EXO1: variants seen among roughly 807,000 people sequenced by gnomAD.
EXO1 encodes exonuclease 1.
EXO1 carries 69 observed loss-of-function variants against 84.5 expected under a neutral mutation model. That is an observed-to-expected ratio of 0.82 (90% CI 0.67 to 1.00). EXO1 has a LOEUF of 1.00. Among genes scored for constraint, EXO1 ranks in the 50% least tolerant of loss-of-function variants. EXO1 has a pLI of 0.00. For synonymous variants in EXO1, 373 were observed against 366.1 expected (o/e 1.02, Z -0.21); for missense variants, 1,045 against 1,000.7 (o/e 1.04, Z -0.60).
intron 4 of EXO1, among the ~76,000 whole-genome samples, chr1:241,851,576 T>C (rs1660670337): frequency 6.6e-6 from 1 of 152,238 alleles, no homozygotes; most frequent in Admixed American, 6.5e-5. Context: ...TCACAATACC[T>C]AATGTAATAC....
intron 12 of EXO1, among the ~76,000 whole-genome samples, chr1:241,878,270 G>C (rs546067964): frequency 6.6e-6 from 1 of 152,184 alleles, no homozygotes; most frequent in Non-Finnish European, 1.5e-5. Flanking sequence ...AGGCCAAGGC[G>C]GGCGGATCAC....
At position 241,878,750 on chromosome 1, in the gene EXO1, T is replaced by A; in HGVS notation, c.1516T>A (p.Phe506Ile). 1 of 1,597,408 alleles carries A rather than the reference T, an allele frequency of 6.3e-7. No individual in the cohort carries two copies. The highest frequency in any genetic ancestry group is 8.6e-7 in the Non-Finnish European group (1 of 1,167,364). ...AVVVPGTRSR[F>I]FCSSDSTDCV... ...TGTTTCTATTGCTTTTTTTATTAGG[T>A]TTTTTTGCAGTTCAGATTCTACTGA... The change falls in exon 13 of 16, where the codon TTT (phenylalanine) becomes ATT (isoleucine). Residue 506 changes from phenylalanine to isoleucine, a missense_variant and splice_region_variant. Transcript: ENST00000366548.
At chr1:241,885,739 GTC>G (rs1012377249) in intron 15 of EXO1, 2 of 482,958 alleles carry the variant, frequency 4.1e-6, no homozygotes, top group Admixed American at 3.2e-5. Flanking sequence ...TGGTTTTGGA[GTC>G]TCTCTGATGT....
intron 14 of EXO1, among the ~76,000 whole-genome samples, chr1:241,883,721 A>G (rs1662894930): frequency 8.7e-6 from 1 of 115,390 alleles, no homozygotes; most frequent in African/African-American, 3.2e-5. Context: ...AAGGAAAAAT[A>G]TGTTATTAAC....
chr1:241,883,693 ACATT>A (rs1662893617), intron 14 of EXO1, among the ~76,000 whole-genome samples: 2 of 152,026 alleles, frequency 1.3e-5, no homozygotes, highest in Non-Finnish European at 1.5e-5. Flanking sequence ...ACTTGAAAAG[ACATT>A]CATTATTAGT....
intron 14 of EXO1, among the ~76,000 whole-genome samples, chr1:241,883,719 A>C (rs2148530342): frequency 7.8e-6 from 1 of 127,652 alleles, no homozygotes; most frequent in African/African-American, 2.9e-5. Context: ...AAAAGGAAAA[A>C]TATGTTATTA....
intron 4 of EXO1, among the ~76,000 whole-genome samples, chr1:241,851,795 A>G (rs1372479495): frequency 6.6e-6 from 1 of 152,230 alleles, no homozygotes; most frequent in Non-Finnish European, 1.5e-5. Context: ...TTACCAGGAC[A>G]CCACTGAATA....
intron 15 of EXO1, among the ~76,000 whole-genome samples, chr1:241,888,291 TA>T: frequency 6.6e-6 from 1 of 152,278 alleles, no homozygotes; most frequent in East Asian, 1.9e-4. Context: ...TGAGATTTAA[TA>T]AAATTAATGA....
intron 6 of EXO1, chr1:241,854,912 G>A (rs4149877): frequency 0.021 from 3,253 of 153,522 alleles, 118 homozygotes; most frequent in African/African-American, 0.075. Context: ...AGACCTTTGC[G>A]GTGAGTGTTA....
chr1:241,878,917 T>C lies in EXO1; in HGVS notation c.1683T>C (p.Asp561=), dbSNP rs754160967. 27 of 1,614,178 alleles carry C rather than the reference T, an allele frequency of 1.7e-5. No homozygotes were observed. In the East Asian group the frequency reaches 6.0e-4, roughly 36 times the overall value. The change falls in exon 13 of 16, where the codon GAT becomes GAC. Residue 561 remains aspartate (D), a synonymous_variant. Transcript: ENST00000366548. ...CAGATGTAGCACGTAATTCAAGTGA[T>C]GACATTCCGAATAATCATATTCCAG... The part of the protein sequence containing the change: ...VDTDVARNSS[D]DIPNNHIPGD...
intron 12 of EXO1, among the ~76,000 whole-genome samples, chr1:241,874,358 A>C (rs1269472039): frequency 6.6e-6 from 1 of 152,226 alleles, no homozygotes; most frequent in East Asian, 1.9e-4. Context: ...ATGCCACTGC[A>C]GTCCAGCCAG....
intron 10 of EXO1, among the ~76,000 whole-genome samples, chr1:241,862,921 G>A (rs137998537): frequency 2.0e-5 from 3 of 152,210 alleles, no homozygotes; most frequent in East Asian, 3.9e-4. Context: ...GGTTAGCTAG[G>A]GTTCTGGAAT....
At chr1:241,855,688 C>T (rs980495223) in intron 6 of EXO1, among the ~76,000 whole-genome samples, 7 of 152,226 alleles carry the variant, frequency 4.6e-5, no homozygotes, top group Admixed American at 1.3e-4. Context: ...GGGTGGGAGG[C>T]TCAGGCATGG....
intron 6 of EXO1, among the ~76,000 whole-genome samples, chr1:241,855,355 T>C (rs1296265606): frequency 6.6e-6 from 1 of 152,116 alleles, no homozygotes; most frequent in African/African-American, 2.4e-5. Flanking sequence ...ATACAGAGTG[T>C]CTATTGGTGC....
At chr1:241,852,787 G>C (rs972740678) in intron 5 of EXO1, among the ~76,000 whole-genome samples, 2 of 152,152 alleles carry the variant, frequency 1.3e-5, no homozygotes, top group African/African-American at 4.8e-5. Flanking sequence ...CTCCCGAGTA[G>C]CTGGGACTAC....
intron 12 of EXO1, among the ~76,000 whole-genome samples, chr1:241,874,412 A>T (rs1662279091): frequency 6.6e-6 from 1 of 152,178 alleles, no homozygotes; most frequent in South Asian, 2.1e-4. Flanking sequence ...AATAGAAAAG[A>T]AAAGAAACTT....
At chr1:241,871,911 G>GTTTTTTT (rs35496250) in intron 11 of EXO1, 121 bp from the exon 12 acceptor site, 24 of 517,616 alleles carry the variant, frequency 4.6e-5, no homozygotes, top group African/African-American at 4.6e-4. Context: ...CTGAGGCATA[G>GTTTTTTT]TTTTTTTTTT....
chr1:241,861,585 GCTT>G (rs1396125489), intron 10 of EXO1, 83 bp downstream of exon 10: 9 of 801,854 alleles, frequency 1.1e-5, no homozygotes, highest in Non-Finnish European at 1.8e-5. Context: ...CATACACTAA[GCTT>G]CTTTTAAGCG....
chr1:241,889,683 A>C lies in EXO1; in HGVS notation c.*83A>C. The C allele has an allele frequency of 7.4e-7, 1 of 1,357,498 alleles. No individual in the cohort carries two copies. The highest frequency in any genetic ancestry group is 1.1e-6 in the Non-Finnish European group (1 of 948,522). The allele number at this position is 1,357,498 out of a possible 1,614,324, so 84.1% of individuals were successfully genotyped here. On this transcript the variant is annotated 3_prime_UTR_variant, in exon 16 of 16. Transcript: ENST00000366548. Reference sequence around the variant, plus strand: ...GTTTGGGAATGAGGCACTTATCAGCATGAAGAATTTTTTCTCATTCTGTGC... The same window carrying C: ...GTTTGGGAATGAGGCACTTATCAGCCTGAAGAATTTTTTCTCATTCTGTGC...
Sources: allele counts gnomAD v4.1 joint callset (sites outside exome capture counted in the v4.1 genomes callset), GRCh38; gene constraint gnomAD v4.1.1; transcripts MANE v1.5; gene names NCBI Gene and HGNC (gene_info 2026-07-23, HGNC 2026-07-21).